SUGCT: variants seen among roughly 807,000 people sequenced by gnomAD.
The protein encoded by SUGCT is succinyl-CoA:glutarate-CoA transferase.
A neutral mutation model predicts 55.0 loss-of-function variants in SUGCT; 41 were observed. That is an observed-to-expected ratio of 0.74 (90% CI 0.58 to 0.97). The LOEUF is 0.97. SUGCT is among the 50% of genes least tolerant of loss of function. The probability of loss-of-function intolerance (pLI) is 0.00; values close to 1 mark genes in which losing one functional copy is unlikely to be tolerated. For missense variants in SUGCT, 568 were observed against 547.8 expected (o/e 1.04, Z -0.37); for synonymous variants, 187 against 200.4 (o/e 0.93, Z 0.56).
chr7:40,775,573 T>C (rs1159973518), intron 13 of SUGCT: 1 of 152,214 alleles, frequency 6.6e-6, no homozygotes, highest in Non-Finnish European at 1.5e-5. Context: ...ATTAGAAAAT[T>C]AAGGTTCAGG....
chr7:40,277,331 GTC>G (rs1352977239), intron 8 of SUGCT, among the ~76,000 whole-genome samples: 1 of 151,782 alleles, frequency 6.6e-6, no homozygotes, highest in African/African-American at 2.4e-5. Context: ...ACAGGCGTGT[GTC>G]AAAACTCCTG....
chr7:40,943,268 TTTATTATTA>T, the SUGCT span, among the ~76,000 whole-genome samples: 12 of 151,072 alleles, frequency 7.9e-5, no homozygotes, highest in East Asian at 2.1e-3. Flanking sequence ...GTGACTTTAT[TTTATTATTA>T]TTATTATTAT....
chr7:40,818,501 C>T (rs1791794393), intron 13 of SUGCT, among the ~76,000 whole-genome samples: 1 of 152,288 alleles, frequency 6.6e-6, no homozygotes, highest in African/African-American at 2.4e-5. Flanking sequence ...GACTGCTTTC[C>T]TCAAAAAGGG....
chr7:40,661,610 G>A (rs1054634914), intron 12 of SUGCT, among the ~76,000 whole-genome samples: 1 of 152,044 alleles, frequency 6.6e-6, no homozygotes, highest in Non-Finnish European at 1.5e-5. Flanking sequence ...TCAGTCTGCT[G>A]AAATTGGAAT....
chr7:40,313,868 A>G (rs949980512), intron 8 of SUGCT, among the ~76,000 whole-genome samples: 5 of 152,020 alleles, frequency 3.3e-5, no homozygotes. Context: ...CTAGGATTAC[A>G]GGCATGAGCC....
chr7:40,429,097 A>G (rs527259738), intron 9 of SUGCT, among the ~76,000 whole-genome samples: 1 of 147,980 alleles, frequency 6.8e-6, no homozygotes, highest in African/African-American at 2.5e-5. Context: ...GCAAGTTAAC[A>G]TATCCATCAT....
intron 10 of SUGCT, among the ~76,000 whole-genome samples, chr7:40,455,649 A>G (rs1302825432): frequency 6.6e-6 from 1 of 152,210 alleles, no homozygotes; most frequent in African/African-American, 2.4e-5. Context: ...GGCAGAGGGA[A>G]GATCAGATGA....
At chr7:40,977,311 C>T in the SUGCT span, among the ~76,000 whole-genome samples, 1 of 152,210 alleles carries the variant, frequency 6.6e-6, no homozygotes, top group African/African-American at 2.4e-5. Flanking sequence ...ACTTCCAGAG[C>T]ATGCTGGCGA....
intron 12 of SUGCT, among the ~76,000 whole-genome samples, chr7:40,707,506 A>G (rs186905126): frequency 2.0e-4 from 31 of 152,322 alleles, no homozygotes; most frequent in African/African-American, 7.2e-4. Context: ...CTGGGAAACA[A>G]ATCATGGAGA....
At chr7:40,928,573 ATT>A in the SUGCT span, among the ~76,000 whole-genome samples, 1 of 149,148 alleles carries the variant, frequency 6.7e-6, no homozygotes, top group Non-Finnish European at 1.5e-5. Context: ...GTATCCCAGC[ATT>A]TGTTTCTTTG....
intron 13 of SUGCT, among the ~76,000 whole-genome samples, chr7:40,767,112 G>C (rs150783237): frequency 8.5e-5 from 13 of 152,048 alleles, no homozygotes; most frequent in Admixed American, 8.5e-4. Context: ...TAAGACTTTT[G>C]AATCTATCTT....
chr7:40,190,597 G>A (rs1017744310), intron 5 of SUGCT, among the ~76,000 whole-genome samples: 2 of 152,142 alleles, frequency 1.3e-5, no homozygotes, highest in African/African-American at 4.8e-5. Context: ...GTTAGTCTTT[G>A]TAAAATGTGT....
intron 13 of SUGCT, among the ~76,000 whole-genome samples, chr7:40,828,801 C>A (rs1244640443): frequency 1.3e-5 from 2 of 152,084 alleles, no homozygotes; most frequent in African/African-American, 4.8e-5. Flanking sequence ...CAGTTCCTGA[C>A]CTTCACTGAG....
chr7:40,827,800 T>C (rs1224744953), intron 13 of SUGCT, among the ~76,000 whole-genome samples: 1 of 151,928 alleles, frequency 6.6e-6, no homozygotes, highest in Non-Finnish European at 1.5e-5. Context: ...GAACTTAAAC[T>C]TCACAAAAGC....
chr7:40,769,735 A>G (rs1368559941), intron 13 of SUGCT, among the ~76,000 whole-genome samples: 1 of 152,224 alleles, frequency 6.6e-6, no homozygotes, highest in Non-Finnish European at 1.5e-5. Flanking sequence ...ACAGAAACAA[A>G]TGCACGTTGT....
chr7:40,350,128 A>C (rs1194954484), intron 9 of SUGCT, among the ~76,000 whole-genome samples: 1 of 151,960 alleles, frequency 6.6e-6, no homozygotes, highest in Non-Finnish European at 1.5e-5. Context: ...CTTTATTCTA[A>C]TATTGTTCTT....
chr7:40,815,030 G>A (rs1205456105), intron 13 of SUGCT, among the ~76,000 whole-genome samples: 1 of 152,180 alleles, frequency 6.6e-6, no homozygotes, highest in East Asian at 1.9e-4. Flanking sequence ...CAAGCTTGTA[G>A]ATGGCGCTTA....
the SUGCT span, among the ~76,000 whole-genome samples, chr7:40,980,322 T>TG: frequency 2.6e-5 from 4 of 152,144 alleles, no homozygotes; most frequent in African/African-American, 7.2e-5. Context: ...ACATAAATAT[T>TG]GGGGGGGACA....
intron 11 of SUGCT, among the ~76,000 whole-genome samples, chr7:40,475,079 T>C (rs951355338): frequency 2.6e-5 from 4 of 152,228 alleles, no homozygotes; most frequent in East Asian, 1.9e-4. Context: ...GGGTGCCCAT[T>C]ACTAAATCAC....
Sources: gnomAD v4.1 joint callset for allele counts (sites outside exome capture counted in the v4.1 genomes callset) on GRCh38, gnomAD v4.1.1 for gene constraint, MANE v1.5 for transcripts, NCBI Gene and HGNC (gene_info 2026-07-23, HGNC 2026-07-21) for gene names.